Variants in CERS1 observed in about 807,000 individuals in gnomAD.
The protein encoded by CERS1 is Embryonic growth/differentiation factor 1.
CERS1 carries 16 observed loss-of-function variants against 35.7 expected under a neutral mutation model. The observed-to-expected ratio is 0.45, with a 90% CI of 0.30 to 0.68. The LOEUF is 0.68. Ranked by LOEUF, CERS1 falls within the 30% of genes least tolerant of loss-of-function variation. CERS1 has a pLI of 0.08. For missense variants in CERS1, 454 were observed against 453.9 expected (o/e 1.00, Z 0.00); for synonymous variants, 243 against 201.6 (o/e 1.21, Z -1.74).
chr19:18,878,776 C>T lies in CERS1; in HGVS notation c.1010+154G>A, dbSNP rs921102444. 68 of 1,453,464 alleles carry T rather than the reference C, an allele frequency of 4.7e-5. No homozygotes were observed. The highest frequency in any genetic ancestry group is 5.7e-5 in the Non-Finnish European group (63 of 1,102,726). The allele number at this position is 1,453,464 out of a possible 1,614,324, so 90.0% of individuals were successfully genotyped here. A position where few individuals can be genotyped will look rare whatever the true frequency, so the allele number is the denominator to read the frequency against. ...TTCAGGGTACTGGCCACATCGTCCA[C>T]GCCTTTATTGCAGTCTCTGTTTTGG... On this transcript the variant is annotated intron_variant, in intron 6 of 7. Coordinates refer to ENST00000623882, the MANE Select transcript of CERS1 (RefSeq NM_021267.5). The surrounding 1 kb of genome is among the most constrained non-coding windows in gnomAD (Gnocchi z 4.6).
rs752273143 is a variant in CERS1 at position 18,879,392 on chromosome 19, C to A, written c.753-4G>T. ...CCAGTAGAGGCGGAACCAGAACCTG[C>A]GGTGGGAGGAGTCAGGAGGCCGTGG... On this transcript the variant is annotated splice_region_variant and splice_polypyrimidine_tract_variant and intron_variant, in intron 4 of 7. Coordinates refer to ENST00000623882, the MANE Select transcript of CERS1 (RefSeq NM_021267.5). 11 of 1,558,410 alleles carry A rather than the reference C, an allele frequency of 7.1e-6. No individual in the cohort carries two copies. Among genetic ancestry groups the A allele is most frequent in the Non-Finnish European group, 8.7e-6 (10 of 1,151,324 alleles).
chr19:18,893,278 G>A, intron 2 of CERS1, 138 bp downstream of exon 2: 1 of 901,110 alleles, frequency 1.1e-6, no homozygotes, highest in Non-Finnish European at 1.7e-6. Flanking sequence ...GCAGTGGCGT[G>A]CTCATAGCTC....
At chr19:18,877,498 C>T (rs377141562) in intron 6 of CERS1, among the ~76,000 whole-genome samples, 13 of 152,294 alleles carry the variant, frequency 8.5e-5, no homozygotes, top group African/African-American at 3.1e-4. Context: ...TGCCTGTAAT[C>T]CCAGCAGCTT....
rs1037920678 is a variant in CERS1 at position 18,868,769 on chromosome 19, T to C, written c.*1216A>G. The C allele has an allele frequency of 6.8e-7, 1 of 1,478,144 alleles. No homozygotes were observed. Among genetic ancestry groups the C allele is most frequent in the African/African-American group, 1.5e-5 (1 of 67,444 alleles). 91.6% of individuals were successfully genotyped at this position (1,478,144 alleles called of 1,614,324 possible). Reference sequence around the variant, plus strand: ...CATGAGCGCGCGCAGCACAGCGTGGTTGAGCGCCGGCGGCCCCCCGGACCC... The same window carrying C: ...CATGAGCGCGCGCAGCACAGCGTGGCTGAGCGCCGGCGGCCCCCCGGACCC... On this transcript the variant is annotated 3_prime_UTR_variant, in exon 8 of 8. Transcript: ENST00000623882.
chr19:18,881,522 A>G (rs1428864044), intron 3 of CERS1, among the ~76,000 whole-genome samples: 1 of 151,388 alleles, frequency 6.6e-6, no homozygotes, highest in Non-Finnish European at 1.5e-5. Flanking sequence ...GCCCGGCCCC[A>G]TTAGGATCTT....
At chr19:18,880,142 C>A in intron 4 of CERS1, 132 bp downstream of exon 4, 1 of 933,600 alleles carries the variant, frequency 1.1e-6, no homozygotes. Flanking sequence ...TCATGAGGCC[C>A]CTCCCCTGTC....
At position 18,893,584 on chromosome 19, in the gene CERS1, G is replaced by C; in HGVS notation, c.250-9C>G. The C allele has an allele frequency of 6.2e-7, 1 of 1,603,942 alleles. No homozygotes were observed. The highest frequency in any genetic ancestry group is 1.1e-5 in the South Asian group (1 of 89,310). On this transcript the variant is annotated splice_polypyrimidine_tract_variant and intron_variant, in intron 1 of 7. Transcript: ENST00000623882. ...CACCGCTTCGCCAGGGGCTATGGGGGAGAAGACAGGCGGGCAGCCATTGGT... is the reference window on the plus strand; with the variant it reads ...CACCGCTTCGCCAGGGGCTATGGGGCAGAAGACAGGCGGGCAGCCATTGGT...
At chr19:18,896,749 C>A (rs2056632219), upstream of CERS1, 4 of 152,304 alleles carry the variant, frequency 2.6e-5, no homozygotes, top group Admixed American at 2.0e-4. The surrounding 1 kb of genome is among the most constrained non-coding windows in gnomAD (Gnocchi z 5.9). Context: ...AGCTCTCTGC[C>A]CTACACCAGG....
Position 18,869,345 on chromosome 19 carries a change from C to A in CERS1, c.*640G>T, listed in dbSNP as rs1057524707. On this transcript the variant is annotated 3_prime_UTR_variant, in exon 8 of 8. Coordinates refer to ENST00000623882, the MANE Select transcript of CERS1 (RefSeq NM_021267.5). Reference sequence around the variant, plus strand: ...GTCGAAGACGACTGTCCACTCAGGGCAATGCCCCGCGGCCGAGGCAGGCTC... The same window carrying A: ...GTCGAAGACGACTGTCCACTCAGGGAAATGCCCCGCGGCCGAGGCAGGCTC... 7.2e-6 allele frequency: 11 copies of A among 1,531,716 alleles called. No individual in the cohort carries two copies. The highest frequency in any genetic ancestry group is 4.6e-4 in the Middle Eastern group (2 of 4,378). The allele number at this position is 1,531,716 out of a possible 1,614,324, so 94.9% of individuals were successfully genotyped here. A position where few individuals can be genotyped will look rare whatever the true frequency, so the allele number is the denominator to read the frequency against.
chr19:18,888,047 C>T (rs6511008), intron 2 of CERS1, among the ~76,000 whole-genome samples: 141,360 of 152,238 alleles, frequency 0.93, 65,818 homozygotes, highest in African/African-American at 0.97. Context: ...TAATTTCAAG[C>T]TACATACATT....
Position 18,878,740 on chromosome 19 carries a change from C to T in CERS1, c.1010+190G>A. 1.4e-6 allele frequency: 2 copies of T among 1,402,044 alleles called. No individual in the cohort carries two copies. Among genetic ancestry groups the T allele is most frequent in the African/African-American group, 2.9e-5 (2 of 69,084 alleles). The allele number at this position is 1,402,044 out of a possible 1,614,324, so 86.9% of individuals were successfully genotyped here. On this transcript the variant is annotated intron_variant, in intron 6 of 7. Transcript: ENST00000623882. This position sits in a 1 kb window ranked among gnomAD's most constrained non-coding sequence, Gnocchi z 4.6. ...CCCAGCCTCTCCCTCCCCTTCCTCA[C>T]TGTCCTGTCCTTCAGGGTACTGGCC...
rs2056098476 is a variant in CERS1, at chr19:18,878,156, G to A, written c.1010+774C>T. On this transcript the variant is annotated intron_variant, in intron 6 of 7. Coordinates refer to ENST00000623882, the MANE Select transcript of CERS1 (RefSeq NM_021267.5). The surrounding 1 kb of genome is among the most constrained non-coding windows in gnomAD (Gnocchi z 4.6). Reference sequence around the variant, plus strand: ...CCCACCGGCCAAATCAGAGGGCCTGGCTGGTCGGCACCTTCCAGGGCCTTC... The same window carrying A: ...CCCACCGGCCAAATCAGAGGGCCTGACTGGTCGGCACCTTCCAGGGCCTTC... 2 of 985,478 alleles carry A rather than the reference G, an allele frequency of 2.0e-6. No individual in the cohort carries two copies. The highest frequency in any genetic ancestry group is 1.2e-6 in the Non-Finnish European group (1 of 830,042). The allele number at this position is 985,478 out of a possible 1,614,324, so 61.0% of individuals were successfully genotyped here.
chr19:18,889,177 C>A (rs1189438544), intron 2 of CERS1, among the ~76,000 whole-genome samples: 1 of 151,988 alleles, frequency 6.6e-6, no homozygotes, highest in Non-Finnish European at 1.5e-5. Context: ...CAGGTGTGAG[C>A]CACTGCACCC....
rs2056591788 is a variant in CERS1, at chr19:18,895,040, G to C, written c.249+784C>G. The stretch of plus-strand genomic sequence containing the variant: ...TCACCATCATGGTCACTCTCTCGCA[G>C]GGGCGATGGTCTCCGCAGAAACTGG... On this transcript the variant is annotated intron_variant, in intron 1 of 7. Transcript: ENST00000623882. The surrounding 1 kb of genome is among the most constrained non-coding windows in gnomAD (Gnocchi z 6.4). Among the ~76,000 whole-genome samples, 1 of 152,218 alleles carries C rather than the reference G, an allele frequency of 6.6e-6. No homozygotes were observed. The highest frequency in any genetic ancestry group is 2.4e-5 in the African/African-American group (1 of 41,460).
intron 2 of CERS1, 23 bp from the exon 3 acceptor site, chr19:18,884,290 G>A (rs761949147): frequency 1.3e-6 from 2 of 1,599,232 alleles, no homozygotes; most frequent in Non-Finnish European, 1.7e-6. Context: ...AAATCTCACA[G>A]TCAGGGCCCT....
chr19:18,884,354 C>A (rs897489984), intron 2 of CERS1, 87 bp from the exon 3 acceptor site: 7 of 1,268,890 alleles, frequency 5.5e-6, no homozygotes, highest in South Asian at 2.8e-5. Context: ...CCAAGCCACA[C>A]GTGTCCTCCC....
In CERS1 at chr19:18,868,799, A is replaced by G; in HGVS notation, c.*1186T>C. 6.9e-7 allele frequency: 1 copy of G among 1,456,590 alleles called. No homozygotes were observed. The highest frequency in any genetic ancestry group is 9.1e-7 in the Non-Finnish European group (1 of 1,094,212). 90.2% of individuals were successfully genotyped at this position (1,456,590 alleles called of 1,614,324 possible). On this transcript the variant is annotated 3_prime_UTR_variant, in exon 8 of 8. Coordinates refer to ENST00000623882, the MANE Select transcript of CERS1 (RefSeq NM_021267.5). ...CGCCGGCGGCCCCCCGGACCCCGAC[A>G]GCGCGACGGGCAGCGCGCACTGACC...
At chr19:18,888,702 T>A (rs1305360597) in intron 2 of CERS1, among the ~76,000 whole-genome samples, 1 of 149,924 alleles carries the variant, frequency 6.7e-6, no homozygotes, top group African/African-American at 2.5e-5. Flanking sequence ...TGGTAGTACA[T>A]GCCTGTGATC....
intron 2 of CERS1, among the ~76,000 whole-genome samples, chr19:18,891,277 C>T (rs908743941): frequency 5.3e-5 from 8 of 152,192 alleles, no homozygotes; most frequent in Non-Finnish European, 7.4e-5. Flanking sequence ...CTCTGGGCTC[C>T]GTGCCACCAG....
Sources: gnomAD v4.1 joint callset for allele counts (sites outside exome capture counted in the v4.1 genomes callset) on GRCh38, gnomAD v4.1.1 for gene constraint, Gnocchi (gnomAD v3.1) non-coding constraint, MANE v1.5 for transcripts, NCBI Gene and HGNC (gene_info 2026-07-23, HGNC 2026-07-21) for gene names.